The following FAM83B variants were observed in gnomAD, a reference collection of about 807,000 sequenced individuals.
The protein encoded by FAM83B is protein FAM83B.
A neutral mutation model predicts 38.8 loss-of-function variants in FAM83B; 26 were observed. The observed-to-expected ratio is 0.67, with a 90% CI of 0.49 to 0.93. The LOEUF is 0.93. FAM83B is among the 40% of genes least tolerant of loss of function. The pLI, the probability that FAM83B is intolerant of heterozygous loss-of-function variation, is 0.00. For synonymous variants in FAM83B, 419 were observed against 423.1 expected (o/e 0.99, Z 0.12); for missense variants, 1,237 against 1,197.3 (o/e 1.03, Z -0.49).
intron 1 of FAM83B, among the ~76,000 whole-genome samples, chr6:54,862,944 G>C (rs1034970240): frequency 7.9e-5 from 12 of 151,830 alleles, no homozygotes; most frequent in Non-Finnish European, 1.5e-4. Context: ...CTTTTTATTG[G>C]TGCAAAAAAA....
intron 1 of FAM83B, among the ~76,000 whole-genome samples, chr6:54,866,703 T>G (rs960881530): frequency 6.6e-6 from 1 of 152,146 alleles, no homozygotes; most frequent in Non-Finnish European, 1.5e-5. Context: ...GTTGTTTCCA[T>G]TGTCAGGCTA....
intron 2 of FAM83B, among the ~76,000 whole-genome samples, chr6:54,899,259 G>A (rs1772604487): frequency 6.6e-6 from 1 of 152,100 alleles, no homozygotes; most frequent in South Asian, 2.1e-4. Context: ...TATAACACTT[G>A]GGTGCATGGG....
chr6:54,908,164 G>A (rs1772819906), intron 2 of FAM83B, among the ~76,000 whole-genome samples: 1 of 148,558 alleles, frequency 6.7e-6, no homozygotes, highest in African/African-American at 2.5e-5. Context: ...AGCAATTACT[G>A]TCAGAGTGGG....
rs1036538558 is a variant in FAM83B, at chr6:54,944,527, T to A, written c.*2520T>A. 1.6e-4 allele frequency: 24 copies of A among 152,208 alleles called. No individual in the cohort carries two copies. Among genetic ancestry groups the A allele is most frequent in the African/African-American group, 4.8e-4 (20 of 41,456 alleles). 9.4% of individuals were successfully genotyped at this position (152,208 alleles called of 1,614,324 possible). On this transcript the variant is annotated 3_prime_UTR_variant, in exon 5 of 5. Transcript: ENST00000306858. ...TTTGGGATTAGCCATAATTCTGACA[T>A]GGTGTGTTCAGGTATGGGTATATGT...
At chr6:54,882,238 G>T (rs554098181) in intron 2 of FAM83B, among the ~76,000 whole-genome samples, 1 of 152,188 alleles carries the variant, frequency 6.6e-6, no homozygotes, top group Non-Finnish European at 1.5e-5. Context: ...TATGATTATT[G>T]TATCATGTTG....
intron 2 of FAM83B, among the ~76,000 whole-genome samples, chr6:54,915,280 A>G (rs1773007506): frequency 2.6e-5 from 4 of 152,144 alleles, no homozygotes; most frequent in Non-Finnish European, 5.9e-5. Flanking sequence ...TTTGAATTTT[A>G]AGTTTTCTTA....
At chr6:54,906,806 A>G (rs984976502) in intron 2 of FAM83B, among the ~76,000 whole-genome samples, 16 of 152,210 alleles carry the variant, frequency 1.1e-4, no homozygotes, top group Non-Finnish European at 2.2e-4. Flanking sequence ...GTGATTTGAT[A>G]GAGGATGTTG....
At chr6:54,937,067 C>A (rs1336740221) in intron 4 of FAM83B, among the ~76,000 whole-genome samples, 2 of 150,748 alleles carry the variant, frequency 1.3e-5, no homozygotes, top group Non-Finnish European at 3.0e-5. Context: ...TCTGCACATT[C>A]TTTTAATTAT....
At chr6:54,872,632 C>G (rs1771885328) in intron 2 of FAM83B, among the ~76,000 whole-genome samples, 1 of 152,158 alleles carries the variant, frequency 6.6e-6, no homozygotes, top group South Asian at 2.1e-4. Context: ...TGGGCTAGCA[C>G]CCACTGGGAA....
chr6:54,854,533 G>C (rs2040916240), intron 1 of FAM83B, among the ~76,000 whole-genome samples: 1 of 152,170 alleles, frequency 6.6e-6, no homozygotes, highest in African/African-American at 2.4e-5. Context: ...CTTGCTGAAG[G>C]CTCAGATGAT....
At chr6:54,923,610 C>G (rs1346280331) in intron 2 of FAM83B, among the ~76,000 whole-genome samples, 3 of 152,116 alleles carry the variant, frequency 2.0e-5, no homozygotes. Context: ...TTATTTTCTA[C>G]TCTCCTAGAT....
chr6:54,927,145 T>C (rs531580790), intron 3 of FAM83B, among the ~76,000 whole-genome samples: 3 of 152,180 alleles, frequency 2.0e-5, no homozygotes, highest in Non-Finnish European at 4.4e-5. Context: ...CATGTATTGC[T>C]TATTAGAATC....
At chr6:54,889,789 C>T (rs1292646114) in intron 2 of FAM83B, among the ~76,000 whole-genome samples, 1 of 152,046 alleles carries the variant, frequency 6.6e-6, no homozygotes, top group Non-Finnish European at 1.5e-5. Context: ...AGAGAATGAA[C>T]TCCAAGTTGT....
chr6:54,916,528 C>T (rs1247972621), intron 2 of FAM83B, among the ~76,000 whole-genome samples: 1 of 152,164 alleles, frequency 6.6e-6, no homozygotes, highest in East Asian at 1.9e-4. Flanking sequence ...ATTGTAAGTG[C>T]TCAATATCCT....
At chr6:54,869,065 A>T (rs567931398) in intron 1 of FAM83B, among the ~76,000 whole-genome samples, 1 of 152,318 alleles carries the variant, frequency 6.6e-6, no homozygotes, top group South Asian at 2.1e-4. Context: ...AGTATCTCAC[A>T]CAGTGTGGAG....
At chr6:54,848,903 C>G (rs2127570306) in intron 1 of FAM83B, among the ~76,000 whole-genome samples, 1 of 152,214 alleles carries the variant, frequency 6.6e-6, no homozygotes, top group East Asian at 1.9e-4. Flanking sequence ...CCTTGTTTAT[C>G]TAGTTAGGTA....
chr6:54,875,691 G>A (rs1198251608), intron 2 of FAM83B, among the ~76,000 whole-genome samples: 1 of 150,128 alleles, frequency 6.7e-6, no homozygotes, highest in African/African-American at 2.5e-5. Context: ...GTGGAAGAAA[G>A]GGAGAGAAAA....
intron 2 of FAM83B, among the ~76,000 whole-genome samples, chr6:54,899,751 G>A (rs78693706): frequency 0.029 from 4,354 of 152,196 alleles, 214 homozygotes; most frequent in African/African-American, 0.099. Context: ...TGTCTCCTTA[G>A]AGGTTAGGAT....
At chr6:54,867,755 T>C (rs1771750825) in intron 1 of FAM83B, among the ~76,000 whole-genome samples, 1 of 152,098 alleles carries the variant, frequency 6.6e-6, no homozygotes. Flanking sequence ...TTTGCATAGG[T>C]GTAGCTCAGA....
Sources: gnomAD v4.1 joint callset for allele counts (sites outside exome capture counted in the v4.1 genomes callset) on GRCh38, gnomAD v4.1.1 for gene constraint, MANE v1.5 for transcripts, NCBI Gene and HGNC (gene_info 2026-07-23, HGNC 2026-07-21) for gene names.